DAW1: variants seen among roughly 807,000 people sequenced by gnomAD.
DAW1 encodes dynein assembly factor with WD repeat domains 1.
A neutral mutation model predicts 56.5 loss-of-function variants in DAW1; 47 were observed. The observed-to-expected ratio is 0.83, with a 90% CI of 0.66 to 1.06. The LOEUF is 1.06. Among genes scored for constraint, DAW1 ranks in the 50% least tolerant of loss-of-function variants. DAW1 has a pLI of 0.00. For synonymous variants in DAW1, 190 were observed against 179.0 expected (o/e 1.06, Z -0.49); for missense variants, 505 against 499.3 (o/e 1.01, Z -0.11).
chr2:227,907,085 C>T, intron 9 of DAW1, 53 bp from the exon 10 acceptor site: 1 of 1,370,810 alleles, frequency 7.3e-7, no homozygotes, highest in Admixed American at 2.0e-5. Flanking sequence ...CTTCACACTT[C>T]AGACAGAAAG....
chr2:227,902,155 G>T lies in DAW1; in HGVS notation c.541-847G>T, dbSNP rs548431753. On this transcript the variant is annotated intron_variant, in intron 6 of 12. Coordinates refer to ENST00000309931, the MANE Select transcript of DAW1 (RefSeq NM_178821.3). Reference sequence around the variant, plus strand: ...GGAACAGTGCTGAGGACTCTACTGAGGACAGAGGCATGAAAGAGCAATACT... The same window carrying T: ...GGAACAGTGCTGAGGACTCTACTGATGACAGAGGCATGAAAGAGCAATACT... Among the ~76,000 whole-genome samples, 141 of 152,270 alleles carry T rather than the reference G, an allele frequency of 9.3e-4. No individual in the cohort carries two copies. In the Middle Eastern group the frequency reaches 0.01, roughly 11 times the overall value.
At position 227,904,964 on chromosome 2, in the gene DAW1, C is replaced by A; in HGVS notation, c.684C>A (p.Asn228Lys). ...CCGAAATCATCTCCTTGTCATTTAA[C>A]ACCTCAGGAGACAGAATCATCACGG... is the stretch of plus-strand genomic sequence containing the variant. The part of the protein sequence containing the change: ...HSAEIISLSF[N>K]TSGDRIITGS... Residue 228 changes from asparagine to lysine, a missense_variant, in exon 8 of 13, where the codon AAC becomes AAA. Asn to Lys is a moderately conservative substitution (Grantham distance 94). Coordinates refer to ENST00000309931, the MANE Select transcript of DAW1 (RefSeq NM_178821.3). 6.2e-7 allele frequency: 1 copy of A among 1,613,580 alleles called. No individual in the cohort carries two copies. Among genetic ancestry groups the A allele is most frequent in the Non-Finnish European group, 8.5e-7 (1 of 1,179,648 alleles).
rs1691974939 is a variant in DAW1 at position 227,917,214 on chromosome 2, A to G, written c.974-1566A>G. Among the ~76,000 whole-genome samples, 3 of 148,478 alleles carry G rather than the reference A, an allele frequency of 2.0e-5. No homozygotes were observed. The South Asian group carries it at 6.3e-4, about 31-fold the overall frequency. ...TATCTATCCATCTATCGATCGATCT[A>G]TCTACTTTTTCTTCTTTATTGGAAT... On this transcript the variant is annotated intron_variant, in intron 10 of 12. Coordinates refer to ENST00000309931, the MANE Select transcript of DAW1 (RefSeq NM_178821.3).
chr2:227,914,930 A>G (rs528293036), intron 10 of DAW1, among the ~76,000 whole-genome samples: 12 of 152,094 alleles, frequency 7.9e-5, no homozygotes, highest in Non-Finnish European at 1.6e-4. Flanking sequence ...GTCATGCTAT[A>G]CTATGTCTGT....
At chr2:227,921,835 C>G (rs1692118247) in intron 12 of DAW1, among the ~76,000 whole-genome samples, 1 of 152,208 alleles carries the variant, frequency 6.6e-6, no homozygotes, top group Non-Finnish European at 1.5e-5. Context: ...TTACAGGTTA[C>G]TAAATTTCCC....
intron 1 of DAW1, among the ~76,000 whole-genome samples, chr2:227,879,102 A>G (rs1015331591): frequency 2.0e-5 from 3 of 152,094 alleles, no homozygotes; most frequent in Non-Finnish European, 2.9e-5. Flanking sequence ...ACTTTTATAA[A>G]ATATTTATGT....
chr2:227,890,869 G>A (rs1220249865), intron 3 of DAW1, among the ~76,000 whole-genome samples: 2 of 152,156 alleles, frequency 1.3e-5, no homozygotes, highest in East Asian at 1.9e-4. Context: ...TTATGTATAT[G>A]CATTCAATAA....
At chr2:227,893,578 G>A (rs1364245297) in intron 4 of DAW1, among the ~76,000 whole-genome samples, 3 of 151,164 alleles carry the variant, frequency 2.0e-5, no homozygotes, top group African/African-American at 2.4e-5. Flanking sequence ...AGGCTGAGGC[G>A]GGAGAATTGC....
At chr2:227,903,835 C>T (rs62192090) in intron 7 of DAW1, among the ~76,000 whole-genome samples, 15,262 of 151,952 alleles carry the variant, frequency 0.1, 1,031 homozygotes, top group East Asian at 0.25. Context: ...TGATTTGTTT[C>T]CTCAGAAAGC....
At chr2:227,904,674 T>G (rs1469893414) in intron 7 of DAW1, among the ~76,000 whole-genome samples, 1 of 152,138 alleles carries the variant, frequency 6.6e-6, no homozygotes. Flanking sequence ...ACTAGCTGTG[T>G]GTAAGTCACT....
At chr2:227,890,231 T>G (rs1446479141) in intron 3 of DAW1, among the ~76,000 whole-genome samples, 4 of 152,214 alleles carry the variant, frequency 2.6e-5, no homozygotes, top group Non-Finnish European at 1.5e-5. Context: ...GCTCTTCATA[T>G]AATGATAAAT....
intron 2 of DAW1, among the ~76,000 whole-genome samples, chr2:227,886,038 G>A (rs1465415731): frequency 5.5e-5 from 8 of 144,362 alleles, no homozygotes; most frequent in Non-Finnish European, 9.0e-5. Context: ...GCAGTGGCTC[G>A]ATCTCGGCTC....
At chr2:227,878,588 G>A (rs1206672335) in intron 1 of DAW1, among the ~76,000 whole-genome samples, 6 of 152,230 alleles carry the variant, frequency 3.9e-5, no homozygotes, top group South Asian at 2.1e-4. Context: ...TGGGCATAGC[G>A]GCATGGGCCT....
In DAW1 at chr2:227,883,675, A is replaced by C. The variant is rs190908697; in HGVS notation, c.41-1676A>C. On this transcript the variant is annotated intron_variant, in intron 1 of 12. Coordinates refer to ENST00000309931, the MANE Select transcript of DAW1 (RefSeq NM_178821.3). ...ACATTCTTTTCTTATACTTTGTCTA[A>C]AACATTTAGCAGAAGCTTGAATGCA... Among the ~76,000 whole-genome samples, 12 of 152,320 alleles carry C rather than the reference A, an allele frequency of 7.9e-5. No individual in the cohort carries two copies. In the East Asian group the frequency reaches 2.1e-3, roughly 27 times the overall value.
chr2:227,919,741 C>T (rs1350557064), intron 11 of DAW1, among the ~76,000 whole-genome samples: 2 of 152,178 alleles, frequency 1.3e-5, no homozygotes, highest in African/African-American at 2.4e-5. Context: ...ATCAGAACTT[C>T]GTAGAGTAGG....
chr2:227,890,986 T>C (rs1691249598), intron 3 of DAW1, among the ~76,000 whole-genome samples: 1 of 152,250 alleles, frequency 6.6e-6, no homozygotes, highest in Non-Finnish European at 1.5e-5. Flanking sequence ...TCATAATACA[T>C]TGTCAAATCT....
intron 2 of DAW1, among the ~76,000 whole-genome samples, chr2:227,885,982 T>A (rs1251958068): frequency 7.3e-6 from 1 of 136,476 alleles, no homozygotes; most frequent in East Asian, 2.3e-4. Flanking sequence ...TTCCTTTTTT[T>A]TTTTTTTTTG....
intron 2 of DAW1, chr2:227,889,609 A>C (rs1691210469): frequency 3.2e-6 from 1 of 315,322 alleles, no homozygotes; most frequent in South Asian, 7.4e-5. Flanking sequence ...CCCTCCATGA[A>C]ACAAGCCTTA....
chr2:227,918,633 A>C (rs1274541073), intron 10 of DAW1, 147 bp from the exon 11 acceptor site: 2 of 792,008 alleles, frequency 2.5e-6, no homozygotes, highest in Non-Finnish European at 4.0e-6. Context: ...TAGAGTATTA[A>C]GTATCTGGCT....
Sources: allele counts gnomAD v4.1 joint callset (sites outside exome capture counted in the v4.1 genomes callset), GRCh38; gene constraint gnomAD v4.1.1; transcripts MANE v1.5; gene names NCBI Gene and HGNC (gene_info 2026-07-23, HGNC 2026-07-21).